The following NRCAM variants were observed in gnomAD, a reference collection of about 807,000 sequenced individuals.
NRCAM encodes the protein NgCAM-related cell adhesion molecule.
A neutral mutation model predicts 156.5 loss-of-function variants in NRCAM; 83 were observed. The observed-to-expected ratio is 0.53, with a 90% CI of 0.44 to 0.64. The LOEUF (loss-of-function observed/expected upper bound fraction) is 0.64, where lower values mean the gene tolerates loss of function less well. NRCAM is among the 30% of genes least tolerant of loss of function. The pLI is 0.00. For synonymous variants in NRCAM, 538 were observed against 563.9 expected (o/e 0.95, Z 0.65); for missense variants, 1,417 against 1,597.3 (o/e 0.89, Z 1.92).
chr7:108,247,904 A>C (rs1197583305), intron 3 of NRCAM, among the ~76,000 whole-genome samples: 1 of 152,180 alleles, frequency 6.6e-6, no homozygotes. Context: ...CACAAAGTCC[A>C]CTTCTCAGCT....
chr7:108,408,920 T>C (rs903175335), intron 1 of NRCAM, among the ~76,000 whole-genome samples: 2 of 152,130 alleles, frequency 1.3e-5, no homozygotes, highest in Admixed American at 1.3e-4. Context: ...GTCACCCTCC[T>C]CAATTCCTTG....
chr7:108,222,650 G>GT (rs1186557022), intron 11 of NRCAM, among the ~76,000 whole-genome samples: 1 of 152,070 alleles, frequency 6.6e-6, no homozygotes, highest in African/African-American at 2.4e-5. Context: ...GTAATGCATA[G>GT]TATGATTTCC....
At chr7:108,177,497 T>C (rs569508743) in intron 26 of NRCAM, among the ~76,000 whole-genome samples, 64 of 151,882 alleles carry the variant, frequency 4.2e-4, no homozygotes, top group Middle Eastern at 3.4e-3. Context: ...GTGGTGGGCG[T>C]CTGTAGTCCC....
chr7:108,234,902 T>C, intron 5 of NRCAM: 1 of 706,888 alleles, frequency 1.4e-6, no homozygotes, highest in Non-Finnish European at 2.6e-6. Flanking sequence ...TCGGTAACTA[T>C]GTGTACTTGC....
intron 1 of NRCAM, among the ~76,000 whole-genome samples, chr7:108,443,647 T>A (rs1841089139): frequency 6.6e-6 from 1 of 152,188 alleles, no homozygotes; most frequent in African/African-American, 2.4e-5. Flanking sequence ...ATATGTGCCC[T>A]TAAGTTACCA....
chr7:108,241,377 T>C (rs1222022693), intron 3 of NRCAM, among the ~76,000 whole-genome samples: 1 of 152,174 alleles, frequency 6.6e-6, no homozygotes, highest in Non-Finnish European at 1.5e-5. Flanking sequence ...AGTAAACTCC[T>C]ACCTGAAATG....
intron 3 of NRCAM, among the ~76,000 whole-genome samples, chr7:108,246,081 C>A (rs1589814269): frequency 6.6e-6 from 1 of 152,138 alleles, no homozygotes; most frequent in South Asian, 2.1e-4. Flanking sequence ...GATGAGAGAG[C>A]TGATTGGAAA....
At chr7:108,324,007 C>CAGCA (rs2099035018) in intron 2 of NRCAM, among the ~76,000 whole-genome samples, 1 of 151,866 alleles carries the variant, frequency 6.6e-6, no homozygotes, top group Non-Finnish European at 1.5e-5. Context: ...CTGAGAGGAG[C>CAGCA]AGCAAGCAGG....
intron 1 of NRCAM, among the ~76,000 whole-genome samples, chr7:108,409,098 G>T (rs894296952): frequency 6.6e-6 from 1 of 152,180 alleles, no homozygotes; most frequent in African/African-American, 2.4e-5. Flanking sequence ...GGCCCCAGAG[G>T]AGTGAGATTC....
intron 17 of NRCAM, among the ~76,000 whole-genome samples, chr7:108,193,028 C>T (rs1439640943): frequency 6.6e-6 from 1 of 152,086 alleles, no homozygotes; most frequent in African/African-American, 2.4e-5. Context: ...CTTTATGTTT[C>T]CTTTTAATCT....
chr7:108,438,849 T>C (rs574280678), intron 1 of NRCAM, among the ~76,000 whole-genome samples: 38 of 151,998 alleles, frequency 2.5e-4, no homozygotes, highest in Non-Finnish European at 5.3e-4. Context: ...CGATCTAAAA[T>C]GATATGAAGG....
chr7:108,283,812 T>C (rs2097956490), intron 3 of NRCAM, among the ~76,000 whole-genome samples: 1 of 152,192 alleles, frequency 6.6e-6, no homozygotes, highest in Non-Finnish European at 1.5e-5. Context: ...TCTTACTCCA[T>C]TCATCCTGTA....
intron 28 of NRCAM, among the ~76,000 whole-genome samples, chr7:108,172,915 T>C (rs1029749937): frequency 6.6e-5 from 10 of 152,082 alleles, no homozygotes; most frequent in African/African-American, 2.4e-4. Flanking sequence ...TTCCCCTCTT[T>C]GACCAGAAAT....
chr7:108,210,635 C>G (rs2083672263), intron 11 of NRCAM, among the ~76,000 whole-genome samples: 1 of 152,130 alleles, frequency 6.6e-6, no homozygotes, highest in Non-Finnish European at 1.5e-5. Context: ...GAATTCCAAC[C>G]CTGTCCCTGG....
intron 15 of NRCAM, among the ~76,000 whole-genome samples, chr7:108,195,464 A>T (rs2074462640): frequency 6.6e-6 from 1 of 152,020 alleles, no homozygotes; most frequent in Non-Finnish European, 1.5e-5. Context: ...AAAATACAAA[A>T]AATTAGCCAG....
intron 1 of NRCAM, among the ~76,000 whole-genome samples, chr7:108,400,655 T>C (rs1442100234): frequency 1.3e-5 from 2 of 152,290 alleles, no homozygotes; most frequent in East Asian, 3.9e-4. Flanking sequence ...TGTTTTAAAA[T>C]AGATAAAATT....
At chr7:108,416,983 G>C (rs1208696293) in intron 1 of NRCAM, among the ~76,000 whole-genome samples, 1 of 152,194 alleles carries the variant, frequency 6.6e-6, no homozygotes, top group Non-Finnish European at 1.5e-5. Context: ...ATTCTCCAGA[G>C]AGATTCCTAG....
At chr7:108,328,418 T>TAC (rs1338170422) in intron 2 of NRCAM, 1 of 152,240 alleles carries the variant, frequency 6.6e-6, no homozygotes, top group African/African-American at 2.4e-5. Context: ...GCACAGATAT[T>TAC]ACCTTACAAA....
chr7:108,284,162 G>C (rs1388263320), intron 3 of NRCAM, among the ~76,000 whole-genome samples: 1 of 152,046 alleles, frequency 6.6e-6, no homozygotes, highest in Non-Finnish European at 1.5e-5. Flanking sequence ...AATGTCTCTT[G>C]TCCGAAAATT....
Sources: allele counts gnomAD v4.1 joint callset (sites outside exome capture counted in the v4.1 genomes callset), GRCh38; gene constraint gnomAD v4.1.1; transcripts MANE v1.5; gene names NCBI Gene and HGNC (gene_info 2026-07-23, HGNC 2026-07-21).